The following NVL variants were observed in gnomAD, a reference collection of about 807,000 sequenced individuals.
NVL encodes nuclear VCP like.
Under a neutral mutation model 110.2 loss-of-function variants are expected in NVL, and 84 were observed. The ratio of observed to expected loss-of-function variants is 0.76; its 90% CI spans 0.64 to 0.91. The LOEUF is 0.91. Ranked by LOEUF, NVL falls within the 40% of genes least tolerant of loss-of-function variation. The pLI, the probability that NVL is intolerant of heterozygous loss-of-function variation, is 0.00. For missense variants in NVL, 882 were observed against 1,035.9 expected (o/e 0.85, Z 2.04); for synonymous variants, 354 against 361.1 (o/e 0.98, Z 0.22).
chr1:224,325,900 C>T (rs535226727), intron 2 of NVL, among the ~76,000 whole-genome samples: 1 of 152,270 alleles, frequency 6.6e-6, no homozygotes, highest in South Asian at 2.1e-4. Context: ...GATCCTCCCA[C>T]CTCAGCCTCC....
intron 4 of NVL, among the ~76,000 whole-genome samples, chr1:224,313,806 C>G (rs1669790172): frequency 1.3e-5 from 2 of 152,138 alleles, no homozygotes; most frequent in South Asian, 4.1e-4. Flanking sequence ...AGTTCGAGAC[C>G]AGCCTGGCCA....
intron 20 of NVL, among the ~76,000 whole-genome samples, chr1:224,234,985 T>C (rs1364381756): frequency 6.6e-6 from 1 of 152,046 alleles, no homozygotes; most frequent in Admixed American, 6.6e-5. Flanking sequence ...ATTTTTTTTG[T>C]AGAGATGGGG....
chr1:224,257,685 G>A (rs1663449513), intron 18 of NVL, among the ~76,000 whole-genome samples: 1 of 151,994 alleles, frequency 6.6e-6, no homozygotes, highest in Admixed American at 6.6e-5. Context: ...GCACCACCAT[G>A]CCCATTTAAT....
intron 2 of NVL, among the ~76,000 whole-genome samples, 178 bp downstream of exon 2, chr1:224,326,212 AC>A (rs1317508239): frequency 6.6e-6 from 1 of 152,258 alleles, no homozygotes; most frequent in African/African-American, 2.4e-5. Context: ...AAGACATTTT[AC>A]TGCACATAAT....
intron 4 of NVL, chr1:224,312,104 A>G (rs370947893): frequency 2.7e-6 from 1 of 364,916 alleles, no homozygotes; most frequent in Admixed American, 4.5e-5. Flanking sequence ...GGGTTATTAA[A>G]GGATTAAATA....
At chr1:224,316,757 T>C (rs1670119048) in intron 4 of NVL, among the ~76,000 whole-genome samples, 1 of 151,806 alleles carries the variant, frequency 6.6e-6, no homozygotes, top group Non-Finnish European at 1.5e-5. Flanking sequence ...ACTTTTGATA[T>C]TTATGGAAAG....
intron 11 of NVL, among the ~76,000 whole-genome samples, chr1:224,295,793 C>T (rs1264761403): frequency 6.6e-6 from 1 of 151,106 alleles, no homozygotes; most frequent in East Asian, 1.9e-4. Context: ...GCCTGGCCAA[C>T]ATGGAAACAC....
At chr1:224,318,961 C>T (rs1313677460) in intron 2 of NVL, among the ~76,000 whole-genome samples, 1 of 150,656 alleles carries the variant, frequency 6.6e-6, no homozygotes, top group African/African-American at 2.4e-5. Flanking sequence ...TGCACTCCAG[C>T]CTGGGCGACA....
intron 15 of NVL, 136 bp from the exon 16 acceptor site, chr1:224,281,321 G>A: frequency 1.5e-6 from 1 of 679,610 alleles, no homozygotes; most frequent in South Asian, 1.7e-5. Flanking sequence ...GTGAGATTTA[G>A]ATGGAGTCTT....
At chr1:224,262,523 G>A (rs1340013200) in intron 18 of NVL, among the ~76,000 whole-genome samples, 1 of 152,070 alleles carries the variant, frequency 6.6e-6, no homozygotes, top group African/African-American at 2.4e-5. Context: ...AAAAACCCAT[G>A]AGATCAGAAA....
intron 12 of NVL, among the ~76,000 whole-genome samples, chr1:224,292,229 C>G (rs887221018): frequency 6.6e-6 from 1 of 152,062 alleles, no homozygotes; most frequent in Non-Finnish European, 1.5e-5. Context: ...CATAGTGAGA[C>G]CCTTTCTCTA....
chr1:224,302,692 T>G lies in NVL; in HGVS notation c.960+1031A>C, dbSNP rs533095900. 2.6e-5 allele frequency among the ~76,000 whole-genome samples: 4 copies of G among 152,320 alleles called. No individual in the cohort carries two copies. The South Asian group carries it at 8.3e-4, about 32-fold the overall frequency. ...TAAGAACATGACTCTAAATAAAAATTTTGAATAAATTTAGCTATATGAAAA... is the reference window on the plus strand; with the variant it reads ...TAAGAACATGACTCTAAATAAAAATGTTGAATAAATTTAGCTATATGAAAA... On this transcript the variant is annotated intron_variant, in intron 9 of 22. Coordinates refer to ENST00000281701, the MANE Select transcript of NVL (RefSeq NM_002533.4).
chr1:224,317,013 A>G (rs1451624286), intron 4 of NVL, among the ~76,000 whole-genome samples: 2 of 151,554 alleles, frequency 1.3e-5, no homozygotes, highest in African/African-American at 4.8e-5. Context: ...GTGGCACATG[A>G]CTGTAATCCC....
Position 224,317,682 on chromosome 1 carries a change from T to C in NVL, c.284+12A>G. 6.8e-7 allele frequency: 1 copy of C among 1,473,666 alleles called. No individual in the cohort carries two copies. Among genetic ancestry groups the C allele is most frequent in the Non-Finnish European group, 9.4e-7 (1 of 1,058,712 alleles). The allele number at this position is 1,473,666 out of a possible 1,614,324, so 91.3% of individuals were successfully genotyped here. On this transcript the variant is annotated intron_variant, in intron 4 of 22. Coordinates refer to ENST00000281701, the MANE Select transcript of NVL (RefSeq NM_002533.4). ...TCATGGTTTAAAAAAACCCTGCATT[T>C]GGTATACTTACTCATTATCCTCTTC... is the stretch of plus-strand genomic sequence containing the variant.
chr1:224,264,937 C>T (rs1418718403), intron 18 of NVL, among the ~76,000 whole-genome samples: 2 of 151,888 alleles, frequency 1.3e-5, no homozygotes, highest in African/African-American at 2.4e-5. Context: ...TTAGTAGAGA[C>T]GGGGTTTCAC....
At chr1:224,231,714 T>C (rs552836699) in intron 21 of NVL, among the ~76,000 whole-genome samples, 46 of 152,222 alleles carry the variant, frequency 3.0e-4, no homozygotes, top group African/African-American at 1.0e-3. Flanking sequence ...ATATATAATA[T>C]ATCTCAGCAC....
chr1:224,291,209 TTC>T (rs1385563224), intron 12 of NVL, among the ~76,000 whole-genome samples: 2 of 152,090 alleles, frequency 1.3e-5, no homozygotes, highest in Non-Finnish European at 2.9e-5. Flanking sequence ...TGAATGTTAA[TTC>T]TTTTTTTTTC....
At chr1:224,237,729 A>C (rs1475080447) in intron 19 of NVL, among the ~76,000 whole-genome samples, 5 of 38,644 alleles carry the variant, frequency 1.3e-4, no homozygotes, top group Admixed American at 2.6e-4. Flanking sequence ...ATGCCTGGCT[A>C]CTTTTTTTTT....
intron 4 of NVL, among the ~76,000 whole-genome samples, chr1:224,316,943 G>C (rs995135889): frequency 3.3e-5 from 5 of 151,984 alleles, no homozygotes; most frequent in Non-Finnish European, 1.5e-5. Context: ...TTCGAGACCA[G>C]CCTGGCCAAC....
Sources: allele counts gnomAD v4.1 joint callset (sites outside exome capture counted in the v4.1 genomes callset), GRCh38; gene constraint gnomAD v4.1.1; transcripts MANE v1.5; gene names NCBI Gene and HGNC (gene_info 2026-07-23, HGNC 2026-07-21).